The following HCN1 variants were observed in gnomAD, a reference collection of about 807,000 sequenced individuals.
HCN1 encodes potassium/sodium hyperpolarization-activated cyclic nucleotide-gated channel 1.
Under a neutral mutation model 78.9 loss-of-function variants are expected in HCN1, and 13 were observed. That is an observed-to-expected ratio of 0.16 (90% CI 0.11 to 0.26). The LOEUF (loss-of-function observed/expected upper bound fraction) is 0.26, where lower values mean the gene tolerates loss of function less well. HCN1 is among the 10% of genes least tolerant of loss of function. The pLI, the probability that HCN1 is intolerant of heterozygous loss-of-function variation, is 1.00. For missense variants in HCN1, 810 were observed against 1,154.3 expected (o/e 0.70, Z 4.32); for synonymous variants, 552 against 455.5 (o/e 1.21, Z -2.70).
intron 2 of HCN1, among the ~76,000 whole-genome samples, chr5:45,632,262 C>T (rs1405994498): frequency 1.3e-5 from 2 of 151,360 alleles, no homozygotes; most frequent in Admixed American, 1.3e-4. Flanking sequence ...CTTCCTTGAT[C>T]CAATGCTAAT....
intron 1 of HCN1, among the ~76,000 whole-genome samples, chr5:45,667,138 C>T (rs1487433020): frequency 6.6e-6 from 1 of 151,892 alleles, no homozygotes; most frequent in African/African-American, 2.4e-5. Context: ...CAAACCTCAC[C>T]TGCTTTCAAG....
At chr5:45,541,535 GC>G (rs1445292108) in intron 2 of HCN1, among the ~76,000 whole-genome samples, 4 of 152,118 alleles carry the variant, frequency 2.6e-5, no homozygotes, top group African/African-American at 9.7e-5. Context: ...TGTAACCATT[GC>G]ACTTATCACA....
intron 3 of HCN1, among the ~76,000 whole-genome samples, chr5:45,400,633 A>G (rs1033553887): frequency 6.6e-6 from 1 of 151,990 alleles, no homozygotes; most frequent in South Asian, 2.1e-4. Flanking sequence ...CTCAAATTCC[A>G]TCACCTCAGG....
intron 2 of HCN1, among the ~76,000 whole-genome samples, chr5:45,625,042 A>T (rs1335427231): frequency 6.6e-6 from 1 of 152,186 alleles, no homozygotes; most frequent in Non-Finnish European, 1.5e-5. Flanking sequence ...AAGCAAGGCT[A>T]CATGTTGGTA....
chr5:45,686,888 G>A (rs1236003051), intron 1 of HCN1, among the ~76,000 whole-genome samples: 1 of 152,152 alleles, frequency 6.6e-6, no homozygotes, highest in Non-Finnish European at 1.5e-5. Flanking sequence ...GTTTCTCTGT[G>A]TTAGAGCCCA....
chr5:45,288,925 GAAC>G (rs1745319379), intron 6 of HCN1, among the ~76,000 whole-genome samples: 1 of 151,986 alleles, frequency 6.6e-6, no homozygotes, highest in South Asian at 2.1e-4. Flanking sequence ...GTTGAAATGA[GAAC>G]ACAGTGAGAA....
At chr5:45,643,274 C>A (rs1161426180) in intron 2 of HCN1, 2 of 152,168 alleles carry the variant, frequency 1.3e-5, no homozygotes, top group African/African-American at 4.8e-5. Context: ...GTTCATCCTG[C>A]TGCCATTCTC....
At chr5:45,271,325 A>G (rs1193861989) in intron 6 of HCN1, among the ~76,000 whole-genome samples, 4 of 151,122 alleles carry the variant, frequency 2.6e-5, no homozygotes. Flanking sequence ...GGCATTGTCT[A>G]CAGCAGTAAT....
At chr5:45,593,322 C>CTCTCT (rs1744418807) in intron 2 of HCN1, among the ~76,000 whole-genome samples, 1 of 123,730 alleles carries the variant, frequency 8.1e-6, no homozygotes, top group African/African-American at 3.2e-5. Flanking sequence ...TCTCTCTCTC[C>CTCTCT]CTCTCTCTCT....
chr5:45,334,402 C>T (rs1237937247), intron 5 of HCN1, among the ~76,000 whole-genome samples: 1 of 151,766 alleles, frequency 6.6e-6, no homozygotes, highest in South Asian at 2.1e-4. Flanking sequence ...TCAGTCTATT[C>T]CAGGCCATGG....
chr5:45,479,790 C>T (rs1159574379), intron 2 of HCN1, among the ~76,000 whole-genome samples: 2 of 152,190 alleles, frequency 1.3e-5, no homozygotes, highest in African/African-American at 2.4e-5. Flanking sequence ...CAGTTACATA[C>T]ACGTATATCA....
At position 45,262,147 on chromosome 5, in the gene HCN1, G is replaced by C. The variant is rs1413473165; in HGVS notation, c.2447C>G (p.Pro816Arg). The C allele has an allele frequency of 6.2e-7, 1 of 1,613,724 alleles. No individual in the cohort carries two copies. Among genetic ancestry groups the C allele is most frequent in the East Asian group, 2.2e-5 (1 of 44,848 alleles). Residue 816 changes from proline to arginine, a missense_variant, in exon 8 of 8, where the codon CCT becomes CGT. This residue lies in a region of HCN1 where 398 missense variants were observed against 381.3 expected (regional missense o/e 1.04). Coordinates refer to ENST00000303230, the MANE Select transcript of HCN1 (RefSeq NM_021072.4). ...TCCGGGGACCGCCGTCACGGGTTGAGGGATGGAGGCCAGGGACTCGCCCAC... is the reference window on the plus strand; with the variant it reads ...TCCGGGGACCGCCGTCACGGGTTGACGGATGGAGGCCAGGGACTCGCCCAC... ...PTVGESLASI[P>R]QPVTAVPGTG...
intron 2 of HCN1, among the ~76,000 whole-genome samples, chr5:45,596,376 T>C (rs999865772): frequency 6.6e-6 from 1 of 152,214 alleles, no homozygotes; most frequent in African/African-American, 2.4e-5. Context: ...TCTAAATTGC[T>C]CTATCACAGT....
In HCN1 at chr5:45,262,422, G is replaced by A. The variant is rs56217199; in HGVS notation, c.2172C>T (p.Ala724=). 3.3e-4 allele frequency: 539 copies of A among 1,611,622 alleles called. 3 individuals carry two copies. The African/African-American group carries it at 6.6e-3, about 20-fold the overall frequency. The part of the protein sequence containing the change: ...ARTFHYASPT[A]SQLSLMQQQP... The stretch of plus-strand genomic sequence containing the variant: ...GCTGTTGCATGAGTGACAGCTGGGA[G>A]GCGGTGGGGGAGGCATAGTGGAAAG... Residue 724 remains alanine, a synonymous_variant, in exon 8 of 8, where the codon GCC becomes GCT. Coordinates refer to ENST00000303230, the MANE Select transcript of HCN1 (RefSeq NM_021072.4).
chr5:45,374,701 C>T (rs755464041), intron 4 of HCN1, among the ~76,000 whole-genome samples: 9 of 150,094 alleles, frequency 6.0e-5, no homozygotes, highest in Admixed American at 4.8e-4. Context: ...AAAAAGAAAA[C>T]TTCAGGTAAA....
chr5:45,611,412 C>A (rs1744834325), intron 2 of HCN1, among the ~76,000 whole-genome samples: 3 of 151,200 alleles, frequency 2.0e-5, no homozygotes, highest in African/African-American at 7.3e-5. Context: ...GCTGGGATTA[C>A]AGGCGCCCAC....
chr5:45,301,202 A>T (rs1439478757), intron 6 of HCN1, among the ~76,000 whole-genome samples: 9 of 151,668 alleles, frequency 5.9e-5, no homozygotes, highest in Non-Finnish European at 8.8e-5. Flanking sequence ...AAGTTAGCAG[A>T]AAGGATGAAA....
chr5:45,599,054 C>G (rs1009854716), intron 2 of HCN1, among the ~76,000 whole-genome samples: 1 of 152,072 alleles, frequency 6.6e-6, no homozygotes, highest in African/African-American at 2.4e-5. Context: ...CCCGGTGATC[C>G]CTTTATTGGG....
chr5:45,649,648 C>T (rs1745638889), intron 1 of HCN1, among the ~76,000 whole-genome samples: 1 of 151,724 alleles, frequency 6.6e-6, no homozygotes, highest in Non-Finnish European at 1.5e-5. Context: ...GATTCTGTTA[C>T]TATTTGTATG....
Sources: gnomAD v4.1 joint callset for allele counts (sites outside exome capture counted in the v4.1 genomes callset) on GRCh38, gnomAD v4.1.1 for gene constraint, gnomAD v4.1.1 regional missense constraint, MANE v1.5 for transcripts, NCBI Gene and HGNC (gene_info 2026-07-23, HGNC 2026-07-21) for gene names.